Variants in GABBR2 observed in about 807,000 individuals in gnomAD.
GABBR2 encodes the protein gamma-aminobutyric acid type B receptor subunit 2, also known as G-protein coupled receptor 51.
Under a neutral mutation model 105.6 loss-of-function variants are expected in GABBR2, and 23 were observed. The observed-to-expected ratio is 0.22, with a 90% CI of 0.16 to 0.31. The LOEUF (loss-of-function observed/expected upper bound fraction) is 0.31. Ranked by LOEUF, GABBR2 falls within the 10% of genes least tolerant of loss-of-function variation. The pLI is 1.00. For missense variants in GABBR2, 734 were observed against 1,245.5 expected (o/e 0.59, Z 6.18); for synonymous variants, 478 against 499.7 (o/e 0.96, Z 0.58).
At chr9:98,320,744 C>T (rs909855536) in intron 13 of GABBR2, among the ~76,000 whole-genome samples, 20 of 147,598 alleles carry the variant, frequency 1.4e-4, no homozygotes, top group East Asian at 4.0e-4. Flanking sequence ...AACCAAACAC[C>T]GCATATTCTC....
At chr9:98,393,736 A>T (rs1588138183) in intron 9 of GABBR2, among the ~76,000 whole-genome samples, 1 of 152,348 alleles carries the variant, frequency 6.6e-6, no homozygotes, top group East Asian at 1.9e-4. Context: ...GATGGCAATT[A>T]AGGAAGATCG....
chr9:98,580,291 C>T (rs575246085), intron 1 of GABBR2, among the ~76,000 whole-genome samples: 4 of 152,346 alleles, frequency 2.6e-5, no homozygotes, highest in Non-Finnish European at 4.4e-5. Context: ...TTCCCACCCC[C>T]ATTCCCTCCC....
intron 7 of GABBR2, among the ~76,000 whole-genome samples, chr9:98,424,143 G>T (rs1396334294): frequency 6.6e-6 from 1 of 152,004 alleles, no homozygotes. Flanking sequence ...TGATCAAGTG[G>T]GCTTCATCCC....
chr9:98,634,587 A>T (rs1327077410), intron 1 of GABBR2, among the ~76,000 whole-genome samples: 1 of 152,186 alleles, frequency 6.6e-6, no homozygotes, highest in Non-Finnish European at 1.5e-5. Context: ...AGAGGCAAGG[A>T]GGATCCTGCC....
At chr9:98,336,266 G>A (rs7044835) in intron 13 of GABBR2, among the ~76,000 whole-genome samples, 66,817 of 152,030 alleles carry the variant, frequency 0.44, 14,808 homozygotes, top group African/African-American at 0.47. Flanking sequence ...GCTAAAGACT[G>A]GGGTGAGCAC....
intron 7 of GABBR2, among the ~76,000 whole-genome samples, chr9:98,428,140 T>C (rs1390686683): frequency 6.6e-6 from 1 of 152,206 alleles, no homozygotes; most frequent in East Asian, 1.9e-4. Flanking sequence ...TAATTCATCC[T>C]GGATGGCTCA....
chr9:98,296,259 G>A (rs967360460), intron 17 of GABBR2, among the ~76,000 whole-genome samples: 1 of 152,208 alleles, frequency 6.6e-6, no homozygotes, highest in Non-Finnish European at 1.5e-5. Context: ...CCCCTCCAGA[G>A]GATGCAGCAA....
At chr9:98,504,520 T>C (rs1346816708) in intron 3 of GABBR2, among the ~76,000 whole-genome samples, 1 of 152,196 alleles carries the variant, frequency 6.6e-6, no homozygotes, top group Non-Finnish European at 1.5e-5. Flanking sequence ...ACTTTACAAC[T>C]CTTTGAAAAT....
intron 10 of GABBR2, among the ~76,000 whole-genome samples, chr9:98,386,136 T>C (rs1157822546): frequency 6.6e-6 from 1 of 152,186 alleles, no homozygotes; most frequent in African/African-American, 2.4e-5. Context: ...CACCTATTAC[T>C]TCCCAAGGGA....
intron 7 of GABBR2, among the ~76,000 whole-genome samples, chr9:98,411,550 T>TA (rs1372288820): frequency 1.2e-4 from 17 of 137,864 alleles, no homozygotes; most frequent in African/African-American, 4.5e-4. Context: ...CTTGAGTTAG[T>TA]AAAATCCCAT....
At chr9:98,644,785 T>C (rs1253012083) in intron 1 of GABBR2, among the ~76,000 whole-genome samples, 1 of 152,064 alleles carries the variant, frequency 6.6e-6, no homozygotes, top group Non-Finnish European at 1.5e-5. Context: ...TAAGCCAAGA[T>C]CATGCCACTG....
At chr9:98,350,345 T>C (rs541171201) in intron 13 of GABBR2, among the ~76,000 whole-genome samples, 1 of 152,166 alleles carries the variant, frequency 6.6e-6, no homozygotes, top group Non-Finnish European at 1.5e-5. Context: ...TTATTTGAAA[T>C]TTCCCTACTT....
At chr9:98,643,499 A>G (rs556532715) in intron 1 of GABBR2, among the ~76,000 whole-genome samples, 1 of 152,334 alleles carries the variant, frequency 6.6e-6, no homozygotes, top group South Asian at 2.1e-4. Context: ...AAGAGAGCCT[A>G]TTCTGCCTTT....
chr9:98,439,415 T>C (rs1825991592), intron 7 of GABBR2, among the ~76,000 whole-genome samples: 1 of 152,204 alleles, frequency 6.6e-6, no homozygotes, highest in Non-Finnish European at 1.5e-5. Context: ...GTCAGCAAAG[T>C]CTTCCAAAGA....
chr9:98,587,082 C>A (rs1224179295), intron 1 of GABBR2, among the ~76,000 whole-genome samples: 1 of 152,226 alleles, frequency 6.6e-6, no homozygotes, highest in African/African-American at 2.4e-5. Context: ...TCCTTGCCAG[C>A]TTTAATTTTT....
chr9:98,560,922 A>G (rs143360442), intron 2 of GABBR2, among the ~76,000 whole-genome samples: 89 of 151,992 alleles, frequency 5.9e-4, no homozygotes, highest in African/African-American at 2.1e-3. Flanking sequence ...TCTTGGAAAG[A>G]ATGAAATTAT....
At chr9:98,458,836 TA>T (rs1225665710) in intron 6 of GABBR2, among the ~76,000 whole-genome samples, 1 of 152,248 alleles carries the variant, frequency 6.6e-6, no homozygotes, top group Admixed American at 6.5e-5. Flanking sequence ...CAAAAATTGG[TA>T]ACCACTGATG....
chr9:98,463,633 C>CTCTCCG (rs2131616201), intron 6 of GABBR2, among the ~76,000 whole-genome samples: 2 of 152,146 alleles, frequency 1.3e-5, no homozygotes, highest in East Asian at 1.9e-4. Flanking sequence ...CTCCGTCTCG[C>CTCTCCG]TCTCGCTCTC....
chr9:98,339,943 C>T (rs1308417609), intron 13 of GABBR2, among the ~76,000 whole-genome samples: 4 of 152,132 alleles, frequency 2.6e-5, no homozygotes, highest in African/African-American at 9.7e-5. Flanking sequence ...TCTTCCCTGG[C>T]TCACTGAACT....
Sources: gnomAD v4.1 joint callset for allele counts (sites outside exome capture counted in the v4.1 genomes callset) on GRCh38, gnomAD v4.1.1 for gene constraint, MANE v1.5 for transcripts, NCBI Gene and HGNC (gene_info 2026-07-23, HGNC 2026-07-21) for gene names.